DST: variants seen among roughly 807,000 people sequenced by gnomAD.
The protein encoded by DST is dystonin.
Under a neutral mutation model 875.2 loss-of-function variants are expected in DST, and 253 were observed. The observed-to-expected ratio is 0.29, with a 90% confidence interval of 0.26 to 0.32. The LOEUF (loss-of-function observed/expected upper bound fraction) is 0.32. Among genes scored for constraint, DST ranks in the 10% least tolerant of loss-of-function variants. The probability of loss-of-function intolerance (pLI) is 1.00; values close to 1 mark genes in which losing one functional copy is unlikely to be tolerated. For synonymous variants in DST, 3,124 were observed against 3,197.1 expected, an observed-to-expected ratio of 0.98 and a Z score of 0.77; for missense variants, 8,287 against 9,111.6, an observed-to-expected ratio of 0.91 and a Z score of 3.68.
At position 56,619,637 on chromosome 6, in the gene DST, T is replaced by C. The variant is rs144279221; in HGVS notation, c.4929+4893A>G. The C allele has an allele frequency of 1.5e-4, 235 of 1,613,728 alleles. No individual in the cohort carries two copies. The highest frequency in any genetic ancestry group is 1.8e-4 in the Non-Finnish European group (215 of 1,180,010). On this transcript the variant is annotated intron_variant, in intron 36 of 103. Coordinates refer to ENST00000680361, the MANE Select transcript of DST (RefSeq NM_001374736.1). ...TTCTAATTCTAACTGATAATTGCGC[T>C]TTATTTTCTTGAGATCACTAGCTTC...
chr6:56,478,652 A>G (rs2095295502), intron 90 of DST, among the ~76,000 whole-genome samples: 1 of 152,212 alleles, frequency 6.6e-6, no homozygotes, highest in Non-Finnish European at 1.5e-5. Context: ...AAAATCTCAT[A>G]TAGAATGTTA....
intron 3 of DST, among the ~76,000 whole-genome samples, chr6:56,859,714 G>A (rs1378479361): frequency 6.6e-6 from 1 of 152,110 alleles, no homozygotes; most frequent in African/African-American, 2.4e-5. Flanking sequence ...TTTCTTAGAA[G>A]GGCCTGAAAT....
intron 36 of DST, chr6:56,615,211 CA>C (rs1319008643): frequency 8.5e-7 from 1 of 1,175,206 alleles, no homozygotes; most frequent in African/African-American, 1.6e-5. Context: ...GAAGAAATGA[CA>C]CTGTGAACTT....
At chr6:56,600,905 T>C (rs969604969) in intron 44 of DST, among the ~76,000 whole-genome samples, 14 of 152,202 alleles carry the variant, frequency 9.2e-5, no homozygotes, top group Middle Eastern at 3.4e-3. Context: ...AGGTACTAAA[T>C]GTTTTACATA....
At chr6:56,926,147 A>AT (rs70989744) in intron 2 of DST, among the ~76,000 whole-genome samples, 1 of 151,908 alleles carries the variant, frequency 6.6e-6, no homozygotes, top group Non-Finnish European at 1.5e-5. Flanking sequence ...TAAAAAAAAA[A>AT]CCTTTTTAGC....
At chr6:56,464,308 C>T (rs566588793) in intron 100 of DST, 1 of 274,326 alleles carries the variant, frequency 3.6e-6, no homozygotes, top group East Asian at 8.4e-5. Context: ...TTAAATGAGG[C>T]AGCTAGTATT....
At chr6:56,615,779 C>T (rs1586706141) in intron 36 of DST, 1 of 1,614,174 alleles carries the variant, frequency 6.2e-7, no homozygotes, top group East Asian at 2.2e-5. Flanking sequence ...TATCAACCCT[C>T]CTGTCAAGTA....
rs142600371 is a variant in DST at position 56,856,834 on chromosome 6, A to G, written c.418-5230T>C. Among the ~76,000 whole-genome samples, 378 of 152,330 alleles carry G rather than the reference A, an allele frequency of 2.5e-3. 2 individuals carry two copies. Among genetic ancestry groups the G allele is most frequent in the African/African-American group, 8.6e-3 (358 of 41,572 alleles). ...TATGCAGGAAAGTGTCCTTATCCAT[A>G]GAAGATGCAGGCTGAGGAAACCCAA... is the stretch of plus-strand genomic sequence containing the variant. On this transcript the variant is annotated intron_variant, in intron 3 of 103. Coordinates refer to ENST00000680361, the MANE Select transcript of DST (RefSeq NM_001374736.1).
intron 5 of DST, among the ~76,000 whole-genome samples, chr6:56,725,310 C>T (rs190973421): frequency 6.6e-6 from 1 of 152,206 alleles, no homozygotes; most frequent in African/African-American, 2.4e-5. Context: ...CCCTGTTGAC[C>T]TTCCTATGCA....
At chr6:56,617,457 A>G (rs1563220199) in intron 36 of DST, 1 of 1,475,028 alleles carries the variant, frequency 6.8e-7, no homozygotes, top group East Asian at 2.3e-5. Context: ...AGTCACCTCA[A>G]GAACATTATG....
At chr6:56,793,980 T>A (rs2099735512) in intron 4 of DST, among the ~76,000 whole-genome samples, 2 of 152,226 alleles carry the variant, frequency 1.3e-5, no homozygotes, top group Admixed American at 6.5e-5. Context: ...AAAGTCAAGC[T>A]TTTTTGGTTG....
intron 78 of DST, among the ~76,000 whole-genome samples, chr6:56,502,703 T>C (rs571915401): frequency 1.7e-4 from 26 of 152,200 alleles, no homozygotes; most frequent in African/African-American, 6.3e-4. Flanking sequence ...ATATCATATG[T>C]TTGCCACATG....
intron 4 of DST, among the ~76,000 whole-genome samples, chr6:56,770,113 T>C (rs2099646978): frequency 6.6e-6 from 1 of 152,212 alleles, no homozygotes; most frequent in South Asian, 2.1e-4. Context: ...CATTCTGGTG[T>C]TATAACTTAA....
chr6:56,878,907 C>T lies in DST; in HGVS notation c.417+21514G>A, dbSNP rs148972099. ...AGACTGGAGTTATATTATTATTAGA[C>T]GAAGCAAAAATCTTTAATGCTTGAC... On this transcript the variant is annotated intron_variant, in intron 3 of 103. Coordinates refer to ENST00000680361, the MANE Select transcript of DST (RefSeq NM_001374736.1). Among the ~76,000 whole-genome samples, 224 of 152,174 alleles carry T rather than the reference C, an allele frequency of 1.5e-3. 1 individual carries two copies. The highest frequency in any genetic ancestry group is 4.1e-3 in the African/African-American group (169 of 41,500).
chr6:56,916,837 G>A (rs1801401823), intron 2 of DST, among the ~76,000 whole-genome samples: 1 of 149,280 alleles, frequency 6.7e-6, no homozygotes, highest in African/African-American at 2.5e-5. Context: ...GAGACAGAGA[G>A]AGAAAAGCTA....
Position 56,515,635 on chromosome 6 carries a change from T to C in DST, c.18391A>G (p.Thr6131Ala), listed in dbSNP as rs2096572214. 1 of 1,612,008 alleles carries C rather than the reference T, an allele frequency of 6.2e-7. No homozygotes were observed. The highest frequency in any genetic ancestry group is 1.3e-5 in the African/African-American group (1 of 74,892). ...KLDKVLKNYD[T>A]ICQINSERYL... ...CTTTCTGAATTAATCTGGCAGATGG[T>C]ATCATAGTTCTTCAGTACCTTGTCC... The change falls in exon 72 of 104, where the codon ACC becomes GCC. Residue 6131 changes from threonine (T) to alanine (A), a missense_variant. Around this residue, in one of 10 missense-constraint regions of DST, gnomAD observed 1,292 missense variants for 1,552.7 expected, o/e 0.83. Coordinates refer to ENST00000680361, the MANE Select transcript of DST (RefSeq NM_001374736.1).
chr6:56,498,111 T>A, intron 80 of DST, 58 bp from the exon 81 acceptor site: 1 of 1,468,184 alleles, frequency 6.8e-7, no homozygotes, highest in Non-Finnish European at 9.4e-7. Context: ...ATATCATCTT[T>A]AATGCAATTG....
intron 9 of DST, among the ~76,000 whole-genome samples, chr6:56,674,021 A>G (rs537091995): frequency 6.6e-6 from 1 of 152,380 alleles, no homozygotes; most frequent in South Asian, 2.1e-4. Flanking sequence ...TTAAATGCTA[A>G]AAATTGTTTA....
At chr6:56,954,033 T>C (rs989556133) in intron 1 of DST, among the ~76,000 whole-genome samples, 1 of 151,990 alleles carries the variant, frequency 6.6e-6, no homozygotes, top group Admixed American at 6.6e-5. Flanking sequence ...TCTGGGGGAG[T>C]TGGGGAGCCC....
Sources: allele counts gnomAD v4.1 joint callset (sites outside exome capture counted in the v4.1 genomes callset), GRCh38; gene constraint gnomAD v4.1.1; regional missense constraint gnomAD v4.1.1; transcripts MANE v1.5; gene names NCBI Gene and HGNC (gene_info 2026-07-23, HGNC 2026-07-21).